VILL: variants seen among roughly 807,000 people sequenced by gnomAD.
The protein encoded by VILL is villin like, also known as villin-like protein.
VILL carries 102 observed loss-of-function variants against 106.3 expected under a neutral mutation model. The observed-to-expected ratio is 0.96, with a 90% CI of 0.82 to 1.13. VILL has a LOEUF of 1.13. VILL is among the 50% of genes most tolerant of loss of function. The pLI, the probability that VILL is intolerant of heterozygous loss-of-function variation, is 0.00. For synonymous variants in VILL, 431 were observed against 440.3 expected, an observed-to-expected ratio of 0.98 and a Z score of 0.27; for missense variants, 1,076 against 1,116.6, an observed-to-expected ratio of 0.96 and a Z score of 0.52.
intron 14 of VILL, 172 bp downstream of exon 14, chr3:38,002,747 A>C: frequency 1.3e-6 from 1 of 796,700 alleles, no homozygotes; most frequent in Non-Finnish European, 1.9e-6. Context: ...GGAAAGTTAC[A>C]AAGTGACAGG....
In VILL at chr3:37,998,394, CAG is replaced by C; in HGVS notation, c.942+33_942+34del. On this transcript the variant is annotated intron_variant, in intron 9 of 19. Coordinates refer to ENST00000383759, the MANE Select transcript of VILL (RefSeq NM_015873.4). This position sits in a 1 kb window ranked among gnomAD's most constrained non-coding sequence, Gnocchi z 4.1. ...GCCCTGGGGCTCTGTCTGAGAGGAACAGAGCACTGCCCTGGGGTCTGAGTGGG... is the reference window on the plus strand; with the variant it reads ...GCCCTGGGGCTCTGTCTGAGAGGAACAGCACTGCCCTGGGGTCTGAGTGGG... 1 of 1,605,652 alleles carries C rather than the reference CAG, an allele frequency of 6.2e-7. No individual in the cohort carries two copies.
At chr3:37,992,316 A>G (rs1699621826) in intron 1 of VILL, among the ~76,000 whole-genome samples, 1 of 151,888 alleles carries the variant, frequency 6.6e-6, no homozygotes, top group African/African-American at 2.4e-5. Flanking sequence ...TTGTCACCCA[A>G]TGTCCTCACG....
At chr3:37,994,701 C>A (rs1042385502) in intron 4 of VILL, among the ~76,000 whole-genome samples, 2 of 152,218 alleles carry the variant, frequency 1.3e-5, no homozygotes, top group African/African-American at 4.8e-5. Context: ...AGAACATTTT[C>A]ATCACCCTAA....
In VILL at chr3:37,997,136, G is replaced by A; in HGVS notation, c.510G>A (p.Lys170=). ...ACATCTTCCTGCTGGACCTAGGCAA[G>A]ATGATGATTCAGTGGAATGGGCCCA... The part of the protein sequence containing the change: ...KGDIFLLDLG[K]MMIQWNGPKT... Residue 170 remains lysine, a synonymous_variant, in exon 6 of 20, where the codon AAG becomes AAA. Transcript: ENST00000383759. The surrounding 1 kb of genome is among the most constrained non-coding windows in gnomAD (Gnocchi z 4.7). 10 of 1,614,170 alleles carry A rather than the reference G, an allele frequency of 6.2e-6. No homozygotes were observed. Among genetic ancestry groups the A allele is most frequent in the South Asian group, 1.1e-5 (1 of 91,092 alleles).
Position 38,006,616 on chromosome 3 carries a change from G to A in VILL, c.2373G>A (p.Thr791=), listed in dbSNP as rs769340171. 13 of 1,613,916 alleles carry A rather than the reference G, an allele frequency of 8.1e-6. No individual in the cohort carries two copies. Among genetic ancestry groups the A allele is most frequent in the Admixed American group, 3.3e-5 (2 of 60,010 alleles). ...TSSSVSSTSA[T]INGGLRREQL... ...GCTCCGTCAGCAGCACCAGCGCCAC[G>A]ATCAACGGGGGCCTGCGCCGGGAAC... Residue 791 remains threonine, a synonymous_variant, in exon 19 of 20, where the codon ACG becomes ACA. Coordinates refer to ENST00000383759, the MANE Select transcript of VILL (RefSeq NM_015873.4).
chr3:38,006,254 T>A lies in VILL; in HGVS notation c.2205+2T>A. On this transcript the variant is annotated splice_donor_variant, in intron 18 of 19. Coordinates refer to ENST00000383759, the MANE Select transcript of VILL (RefSeq NM_015873.4). LOFTEE classifies it high-confidence loss of function. Reference sequence around the variant, plus strand: ...TCAACCATCTCTGAGATAACAGCAGTGAGTCCTGGGGCCCCTAGCCTTCCC... The same window carrying A: ...TCAACCATCTCTGAGATAACAGCAGAGAGTCCTGGGGCCCCTAGCCTTCCC... The A allele has an allele frequency of 6.2e-7, 1 of 1,614,142 alleles. No individual in the cohort carries two copies. The highest frequency in any genetic ancestry group is 8.5e-7 in the Non-Finnish European group (1 of 1,180,010).
rs906535160 is a variant in VILL, at chr3:37,993,846, G to C, written c.61-52G>C. On this transcript the variant is annotated intron_variant, in intron 2 of 19. Coordinates refer to ENST00000383759, the MANE Select transcript of VILL (RefSeq NM_015873.4). ...GTCCTCTTCCACCCCACCCCAGCGG[G>C]TGTCATGGGTAGAGGCCTCCTGAGT... is the stretch of plus-strand genomic sequence containing the variant. 3 of 1,610,018 alleles carry C rather than the reference G, an allele frequency of 1.9e-6. No homozygotes were observed. In the African/African-American group the frequency reaches 4.0e-5, roughly 22 times the overall value.
At position 38,007,136 on chromosome 3, in the gene VILL, C is replaced by A; in HGVS notation, c.*81C>A. The stretch of plus-strand genomic sequence containing the variant: ...GGGGAGGCCCTGCTTCCACTCCCCT[C>A]AGAGGCTTTTGGTCATCCTCTGCGT... On this transcript the variant is annotated 3_prime_UTR_variant, in exon 20 of 20. Coordinates refer to ENST00000383759, the MANE Select transcript of VILL (RefSeq NM_015873.4). 2.5e-6 allele frequency: 3 copies of A among 1,211,228 alleles called. No individual in the cohort carries two copies. Among genetic ancestry groups the A allele is most frequent in the Non-Finnish European group, 3.6e-6 (3 of 832,226 alleles). The allele number at this position is 1,211,228 out of a possible 1,614,324, so 75.0% of individuals were successfully genotyped here. A position where few individuals can be genotyped will look rare whatever the true frequency, so the allele number is the denominator to read the frequency against.
chr3:38,006,946 A>G lies in VILL; in HGVS notation c.2462A>G (p.Tyr821Cys). ...EGVDPARREF[Y>C]LSDSDFQDIF... ...CCCCCTCTCTCCCCTGCCCAGTTCT[A>G]TCTCTCAGACTCTGACTTCCAAGAT... Residue 821 changes from tyrosine (Y) to cysteine (C), a missense_variant, in exon 20 of 20, where the codon TAT becomes TGT. By Grantham distance (194) the Tyr-to-Cys change is radical (BLOSUM62 -2). Transcript: ENST00000383759. 1.2e-6 allele frequency: 2 copies of G among 1,613,670 alleles called. No individual in the cohort carries two copies. Among genetic ancestry groups the G allele is most frequent in the Non-Finnish European group, 1.7e-6 (2 of 1,179,698 alleles).
intron 1 of VILL, among the ~76,000 whole-genome samples, chr3:37,992,727 T>C (rs1699628557): frequency 6.6e-6 from 1 of 152,136 alleles, no homozygotes; most frequent in African/African-American, 2.4e-5. Context: ...CCTGCTCCCC[T>C]GCCCCACAGC....
At chr3:38,002,205 C>G (rs1699831051) in intron 13 of VILL, 191 bp from the exon 14 acceptor site, 1 of 643,738 alleles carries the variant, frequency 1.6e-6, no homozygotes, top group Non-Finnish European at 2.6e-6. Context: ...AAGGGTCTGT[C>G]CCTGTCCCAG....
At position 37,997,721 on chromosome 3, in the gene VILL, C is replaced by G. The variant is rs760249624; in HGVS notation, c.764+36C>G. 108 of 1,571,896 alleles carry G rather than the reference C, an allele frequency of 6.9e-5. 1 individual carries two copies. The highest frequency in any genetic ancestry group is 8.9e-5 in the Non-Finnish European group (103 of 1,155,014). The stretch of plus-strand genomic sequence containing the variant: ...CTGGGGTGGGCAGGGGTGGGTGGGA[C>G]AGTCCAGGACTCTGTGTCCATCACT... On this transcript the variant is annotated intron_variant, in intron 7 of 19. Transcript: ENST00000383759. The surrounding 1 kb of genome is among the most constrained non-coding windows in gnomAD (Gnocchi z 4.7).
At chr3:37,993,489 C>A (rs1049044040) in intron 1 of VILL, 98 bp from the exon 2 acceptor site, 6 of 614,078 alleles carry the variant, frequency 9.8e-6, no homozygotes, top group Non-Finnish European at 1.7e-5. Flanking sequence ...ATCAGCTGAG[C>A]CTGTCACTTG....
chr3:37,988,588 C>T (rs144782719), upstream of VILL, among the ~76,000 whole-genome samples: 86 of 152,304 alleles, frequency 5.6e-4, no homozygotes, highest in East Asian at 0.015. Context: ...ACAGGCCGGG[C>T]GTGGTGGCTT....
chr3:37,994,520 T>G (rs1018640139), intron 4 of VILL, 54 bp downstream of exon 4: 1 of 1,582,680 alleles, frequency 6.3e-7, no homozygotes, highest in African/African-American at 1.4e-5. Flanking sequence ...GTGCCTTGGC[T>G]GGGGCAGTCT....
chr3:37,993,671 C>A lies in VILL; in HGVS notation c.-2C>A, dbSNP rs1274252010. 3 of 1,613,864 alleles carry A rather than the reference C, an allele frequency of 1.9e-6. No individual in the cohort carries two copies. Among genetic ancestry groups the A allele is most frequent in the Middle Eastern group, 1.7e-4 (1 of 6,060 alleles). On this transcript the variant is annotated 5_prime_UTR_variant, in exon 2 of 20. Coordinates refer to ENST00000383759, the MANE Select transcript of VILL (RefSeq NM_015873.4). ...TCGTCCCATATTCCTGCCTGGCCTG[C>A]GATGGACATCAGCAAGGGCCTCCCA...
chr3:37,999,572 G>C, intron 11 of VILL, 133 bp downstream of exon 11: 1 of 621,746 alleles, frequency 1.6e-6, no homozygotes, highest in Non-Finnish European at 2.6e-6. Flanking sequence ...AAAGGGACAC[G>C]TGTACATTTA....
rs780278305 is a variant in VILL, at chr3:38,001,532, A to C, written c.1259A>C (p.Tyr420Ser). The change falls in exon 12 of 20, where the codon TAC becomes TCC. Residue 420 changes from tyrosine to serine, a missense_variant. Coordinates refer to ENST00000383759, the MANE Select transcript of VILL (RefSeq NM_015873.4). ...RHGQLCAGNCYLVLYTYQRLG... is the reference protein window; with the variant it reads ...RHGQLCAGNCSLVLYTYQRLG... ...GGACAGCTGTGTGCAGGCAACTGCT[A>C]CCTTGTGCTCTACACATACCAGAGG... 6.2e-7 allele frequency: 1 copy of C among 1,614,090 alleles called. No homozygotes were observed. Among genetic ancestry groups the C allele is most frequent in the Non-Finnish European group, 8.5e-7 (1 of 1,179,998 alleles).
chr3:38,002,209 G>C (rs1699831166), intron 13 of VILL, 187 bp from the exon 14 acceptor site: 2 of 645,126 alleles, frequency 3.1e-6, no homozygotes, highest in Non-Finnish European at 5.3e-6. Context: ...GTCTGTCCCT[G>C]TCCCAGACTG....
Sources: allele counts gnomAD v4.1 joint callset (sites outside exome capture counted in the v4.1 genomes callset), GRCh38; gene constraint gnomAD v4.1.1; non-coding constraint Gnocchi (gnomAD v3.1); transcripts MANE v1.5; gene names NCBI Gene and HGNC (gene_info 2026-07-23, HGNC 2026-07-21).